Variants in DST observed in about 807,000 individuals in gnomAD.
DST encodes bullous pemphigoid antigen.
In DST, 253 loss-of-function variants were observed where a neutral mutation model predicts 875.2. The observed-to-expected ratio is 0.29, with a 90% CI of 0.26 to 0.32. The LOEUF (loss-of-function observed/expected upper bound fraction) is 0.32. DST is among the 10% of genes least tolerant of loss of function. The pLI is 1.00. For missense variants in DST, 8,287 were observed against 9,111.6 expected, an observed-to-expected ratio of 0.91 and a Z score of 3.68; for synonymous variants, 3,124 against 3,197.1, an observed-to-expected ratio of 0.98 and a Z score of 0.77.
chr6:56,614,050 T>TGG (rs2098584759), intron 37 of DST, among the ~76,000 whole-genome samples: 2 of 152,210 alleles, frequency 1.3e-5, no homozygotes, highest in South Asian at 2.1e-4. Context: ...ACTCTGCTCT[T>TGG]CAGCTATTCT....
At chr6:56,580,007 C>T (rs763297467) in intron 49 of DST, among the ~76,000 whole-genome samples, 4 of 152,154 alleles carry the variant, frequency 2.6e-5, no homozygotes, top group Admixed American at 6.5e-5. Context: ...ACAATTCCAC[C>T]GTTCGGTCTG....
At chr6:56,524,892 T>C (rs964562020) in intron 69 of DST, among the ~76,000 whole-genome samples, 3 of 150,494 alleles carry the variant, frequency 2.0e-5, no homozygotes, top group African/African-American at 7.4e-5. Context: ...GAGAAAATCT[T>C]GAAATTTTAA....
chr6:56,520,243 C>G (rs1481190279), intron 69 of DST, among the ~76,000 whole-genome samples: 1 of 152,054 alleles, frequency 6.6e-6, no homozygotes, highest in Non-Finnish European at 1.5e-5. Context: ...ATCAGAACTG[C>G]AGGTACCTGT....
rs565194535 is a variant in DST, at chr6:56,466,250, A to G, written c.22570-55T>C. On this transcript the variant is annotated intron_variant, in intron 98 of 103. Transcript: ENST00000680361. ...GTTGTCAATAATAATTCTAAACTAC[A>G]GGATGATGTGCAATTTGCAGTAGCT... 1.8e-5 allele frequency: 23 copies of G among 1,261,814 alleles called. No homozygotes were observed. The African/African-American group carries it at 3.0e-4, about 16-fold the overall frequency. 78.2% of individuals were successfully genotyped at this position (1,261,814 alleles called of 1,614,324 possible). A position where few individuals can be genotyped will look rare whatever the true frequency, so the allele number is the denominator to read the frequency against.
At chr6:56,535,583 A>T (rs2096980490) in intron 62 of DST, among the ~76,000 whole-genome samples, 1 of 152,224 alleles carries the variant, frequency 6.6e-6, no homozygotes, top group Admixed American at 6.5e-5. Context: ...TGAATGATTC[A>T]AATATTTTAG....
chr6:56,692,604 T>A (rs997614106), intron 9 of DST: 8 of 1,289,702 alleles, frequency 6.2e-6, no homozygotes, highest in Admixed American at 4.6e-5. Flanking sequence ...TTAAGCTGGC[T>A]GCCTTTCGGA....
chr6:56,459,594 T>C (rs2094216973), intron 103 of DST, among the ~76,000 whole-genome samples: 1 of 152,192 alleles, frequency 6.6e-6, no homozygotes, highest in Non-Finnish European at 1.5e-5. Flanking sequence ...AAATTATGCC[T>C]CCAGGGATGC....
At chr6:56,593,515 T>TAAAAAAAAAA (rs1363730529) in intron 48 of DST, 148 bp downstream of exon 48, 1 of 236,496 alleles carries the variant, frequency 4.2e-6, no homozygotes, top group Non-Finnish European at 6.6e-6. Flanking sequence ...AGACTCCTTC[T>TAAAAAAAAAA]CAAAAAAAAA....
At chr6:56,934,664 G>A (rs1223482092) in intron 2 of DST, among the ~76,000 whole-genome samples, 5 of 147,296 alleles carry the variant, frequency 3.4e-5, no homozygotes, top group African/African-American at 1.2e-4. Context: ...GCACACTAAT[G>A]TCTCCATCAC....
At chr6:56,800,781 G>A (rs1330491334) in intron 4 of DST, among the ~76,000 whole-genome samples, 1 of 152,174 alleles carries the variant, frequency 6.6e-6, no homozygotes, top group Non-Finnish European at 1.5e-5. Flanking sequence ...CACTTTGGGA[G>A]GCTGAGGTGG....
At chr6:56,887,943 T>C (rs1785391774) in intron 3 of DST, among the ~76,000 whole-genome samples, 1 of 151,626 alleles carries the variant, frequency 6.6e-6, no homozygotes, top group African/African-American at 2.4e-5. Flanking sequence ...AAGCCTATAA[T>C]AAATGAAATC....
intron 3 of DST, among the ~76,000 whole-genome samples, chr6:56,896,580 G>A (rs893008331): frequency 6.6e-6 from 1 of 152,188 alleles, no homozygotes; most frequent in Admixed American, 6.5e-5. Flanking sequence ...CCCACCAGCA[G>A]TGTAGAAGTG....
Position 56,552,314 on chromosome 6 carries a change from C to T in DST, c.16478G>A (p.Arg5493His), listed in dbSNP as rs754436072. 1.1e-5 allele frequency: 18 copies of T among 1,613,928 alleles called. No homozygotes were observed. Among genetic ancestry groups the T allele is most frequent in the East Asian group, 4.5e-5 (2 of 44,872 alleles). ...CAATTTGCTGTAAAATTCTTCAAGG[C>T]GCTTAATTGTCCCTTCAACCTGCTC... is the stretch of plus-strand genomic sequence containing the variant. ...REEQVEGTIK[R>H]LEEFYSKLKE... Residue 5493 changes from arginine (R) to histidine (H), a missense_variant, in exon 61 of 104, where the codon CGC (arginine) becomes CAC (histidine). Coordinates refer to ENST00000680361, the MANE Select transcript of DST (RefSeq NM_001374736.1).
At chr6:56,916,822 A>ACACG (rs1801373390) in intron 2 of DST, among the ~76,000 whole-genome samples, 1 of 144,848 alleles carries the variant, frequency 6.9e-6, no homozygotes, top group Non-Finnish European at 1.5e-5. Context: ...ACACACACAC[A>ACACG]CAGAGAGACA....
At position 56,606,149 on chromosome 6, in the gene DST, T is replaced by C. The variant is rs1360448133; in HGVS notation, c.8479A>G (p.Arg2827Gly). ...GGIRDENGKP[R>G]CQNVAEDMDI... ...ATATCTTCAGCCACATTTTGGCACCTGGGCTTTCCATTCTCATCTCTTATA... is the reference window on the plus strand; with the variant it reads ...ATATCTTCAGCCACATTTTGGCACCCGGGCTTTCCATTCTCATCTCTTATA... The change falls in exon 40 of 104, where the codon AGG becomes GGG. Residue 2827 changes from arginine (R) to glycine (G), a missense_variant. Around this residue, in one of 10 missense-constraint regions of DST, gnomAD observed 3,138 missense variants for 3,116.6 expected, o/e 1.01. Transcript: ENST00000680361. The C allele has an allele frequency of 6.2e-7, 1 of 1,609,560 alleles. No individual in the cohort carries two copies. Among genetic ancestry groups the C allele is most frequent in the Admixed American group, 1.7e-5 (1 of 59,234 alleles).
Position 56,486,911 on chromosome 6 carries a change from T to C in DST, c.21047+193A>G, listed in dbSNP as rs1235772947. On this transcript the variant is annotated intron_variant, in intron 87 of 103. Coordinates refer to ENST00000680361, the MANE Select transcript of DST (RefSeq NM_001374736.1). ...ACAATGATATCACTTTTTATTGTAA[T>C]GAGTAGTTAAAAATTAATGAACAGC... Among the ~76,000 whole-genome samples, 4 of 152,224 alleles carry C rather than the reference T, an allele frequency of 2.6e-5. No homozygotes were observed. In the East Asian group the frequency reaches 7.7e-4, roughly 29 times the overall value.
At chr6:56,616,725 G>A in intron 36 of DST, 2 of 1,614,138 alleles carry the variant, frequency 1.2e-6, no homozygotes, top group Non-Finnish European at 1.7e-6. Flanking sequence ...CTGGCAATCT[G>A]GGCTTCCAAG....
rs191862658 is a variant in DST, at chr6:56,610,404, C to T, written c.5283+23G>A. 6.9e-5 allele frequency: 105 copies of T among 1,515,288 alleles called. No homozygotes were observed. In the African/African-American group the frequency reaches 9.6e-4, roughly 14 times the overall value. The allele number at this position is 1,515,288 out of a possible 1,614,324, so 93.9% of individuals were successfully genotyped here. A position where few individuals can be genotyped will look rare whatever the true frequency, so the allele number is the denominator to read the frequency against. ...CAAACTAAGCTTCTTGAAACAGCCT[C>T]ATGTTTAAATAAATAATATTACCTT... On this transcript the variant is annotated intron_variant, in intron 39 of 103. Coordinates refer to ENST00000680361, the MANE Select transcript of DST (RefSeq NM_001374736.1).
intron 86 of DST, among the ~76,000 whole-genome samples, chr6:56,487,679 A>G (rs1328386936): frequency 6.6e-6 from 1 of 152,166 alleles, no homozygotes; most frequent in Admixed American, 6.5e-5. Flanking sequence ...CTCAATCATA[A>G]GCTTTTATAG....
Sources: gnomAD v4.1 joint callset for allele counts (sites outside exome capture counted in the v4.1 genomes callset) on GRCh38, gnomAD v4.1.1 for gene constraint, gnomAD v4.1.1 regional missense constraint, MANE v1.5 for transcripts, NCBI Gene and HGNC (gene_info 2026-07-23, HGNC 2026-07-21) for gene names.